HACD2: variants seen among roughly 807,000 people sequenced by gnomAD.
HACD2 encodes the protein very-long-chain (3R)-3-hydroxyacyl-CoA dehydratase 2.
A neutral mutation model predicts 31.0 loss-of-function variants in HACD2; 15 were observed. The ratio of observed to expected loss-of-function variants is 0.48; its 90% CI spans 0.32 to 0.75. HACD2 has a LOEUF of 0.75. Ranked by LOEUF, HACD2 falls within the 30% of genes least tolerant of loss-of-function variation. HACD2 has a pLI of 0.03. For missense variants in HACD2, 283 were observed against 313.0 expected, an observed-to-expected ratio of 0.90 and a Z score of 0.72; for synonymous variants, 115 against 122.2, an observed-to-expected ratio of 0.94 and a Z score of 0.39.
intron 3 of HACD2, among the ~76,000 whole-genome samples, chr3:123,564,259 G>T (rs1386837034): frequency 1.3e-5 from 2 of 152,234 alleles, no homozygotes; most frequent in Non-Finnish European, 2.9e-5. Flanking sequence ...TGGGATGCAG[G>T]TGTGGCTTGG....
intron 1 of HACD2, 32 bp downstream of exon 1, chr3:123,584,841 T>C: frequency 6.9e-7 from 1 of 1,455,438 alleles, no homozygotes; most frequent in African/African-American, 1.5e-5. Flanking sequence ...CCGGCCGCGC[T>C]GGCTCCCCGC....
chr3:123,521,364 C>A (rs1375687933), intron 4 of HACD2, among the ~76,000 whole-genome samples: 1 of 152,090 alleles, frequency 6.6e-6, no homozygotes, highest in African/African-American at 2.4e-5. Flanking sequence ...TCTGCCAGGA[C>A]AGTCTGGAAT....
At chr3:123,570,044 T>C (rs2056837445) in intron 2 of HACD2, among the ~76,000 whole-genome samples, 1 of 131,898 alleles carries the variant, frequency 7.6e-6, no homozygotes, top group Non-Finnish European at 1.6e-5. Context: ...TCCAGGCTGC[T>C]GATTAGCAAC....
At chr3:123,548,178 T>A (rs374111313) in intron 3 of HACD2, among the ~76,000 whole-genome samples, 2 of 152,146 alleles carry the variant, frequency 1.3e-5, no homozygotes. Flanking sequence ...GTGGGCTTAG[T>A]AACTTGCTTC....
intron 2 of HACD2, among the ~76,000 whole-genome samples, chr3:123,572,772 G>C (rs2697519): frequency 0.31 from 46,814 of 152,042 alleles, 9,471 homozygotes; most frequent in East Asian, 0.6. Flanking sequence ...AAAAGTTTAA[G>C]AAGTCTCAAA....
intron 5 of HACD2, among the ~76,000 whole-genome samples, chr3:123,501,356 T>C (rs1319280565): frequency 2.0e-5 from 3 of 152,236 alleles, no homozygotes; most frequent in Non-Finnish European, 2.9e-5. Flanking sequence ...GAGTTCTCCA[T>C]ATTCCACAAA....
chr3:123,567,107 A>C (rs2056800495), intron 3 of HACD2, among the ~76,000 whole-genome samples: 2 of 152,300 alleles, frequency 1.3e-5, no homozygotes, highest in South Asian at 4.1e-4. Flanking sequence ...GTGCACAGCA[A>C]TCACTACGGT....
chr3:123,543,168 C>T (rs1343143467), intron 3 of HACD2, among the ~76,000 whole-genome samples: 3 of 152,160 alleles, frequency 2.0e-5, no homozygotes, highest in Non-Finnish European at 2.9e-5. Context: ...CTGGATTTCC[C>T]CCCCTCAAAA....
intron 3 of HACD2, among the ~76,000 whole-genome samples, chr3:123,556,304 G>T (rs1028304757): frequency 1.3e-5 from 2 of 151,798 alleles, no homozygotes; most frequent in African/African-American, 4.8e-5. Context: ...AAGTGTGGTG[G>T]TGCACGCCTG....
intron 4 of HACD2, among the ~76,000 whole-genome samples, chr3:123,516,740 A>G (rs910707857): frequency 2.6e-5 from 4 of 152,242 alleles, no homozygotes; most frequent in Non-Finnish European, 5.9e-5. Context: ...CAAGCGATAC[A>G]TGATCGATTC....
rs1250415035 is a variant in HACD2, at chr3:123,492,930, T to C, written c.*1958A>G. On this transcript the variant is annotated 3_prime_UTR_variant, in exon 7 of 7. Coordinates refer to ENST00000383657, the MANE Select transcript of HACD2 (RefSeq NM_198402.5). The stretch of plus-strand genomic sequence containing the variant: ...GTCTATCAAATACAAGAATAGATTC[T>C]AATTTCAACATGTCCAAGTTGAGTG... 2.0e-5 allele frequency: 3 copies of C among 152,270 alleles called. No homozygotes were observed. Among genetic ancestry groups the C allele is most frequent in the Admixed American group, 6.5e-5 (1 of 15,282 alleles). The allele number at this position is 152,270 out of a possible 1,614,324, so 9.4% of individuals were successfully genotyped here.
intron 4 of HACD2, among the ~76,000 whole-genome samples, chr3:123,504,913 T>C (rs561095711): frequency 6.6e-6 from 1 of 152,230 alleles, no homozygotes; most frequent in East Asian, 1.9e-4. Flanking sequence ...ACCAGCATGA[T>C]CAATGAGACT....
rs748902443 is a variant in HACD2, at chr3:123,494,913, G to T, written c.740C>A (p.Thr247Asn). 2.6e-6 allele frequency: 4 copies of T among 1,559,432 alleles called. No homozygotes were observed. In the South Asian group the frequency reaches 4.7e-5, roughly 18 times the overall value. ...CTATTCAAATTTCTTGTGTTCTTCA[G>T]TATGAGAAAGGATCTTTCTTCTCTG... is the stretch of plus-strand genomic sequence containing the variant. ...IHQRRKILSH[T>N]EEHKKFE The change falls in exon 7 of 7, where the codon ACT (threonine) becomes AAT (asparagine). Residue 247 changes from threonine (T) to asparagine (N), a missense_variant. Transcript: ENST00000383657.
chr3:123,542,006 G>A (rs1297548997), intron 3 of HACD2, among the ~76,000 whole-genome samples: 2 of 151,314 alleles, frequency 1.3e-5, no homozygotes, highest in African/African-American at 2.4e-5. Flanking sequence ...AATTAGCCAG[G>A]TGTAGTGGCG....
intron 3 of HACD2, among the ~76,000 whole-genome samples, chr3:123,554,798 G>A (rs566064078): frequency 6.6e-6 from 1 of 152,030 alleles, no homozygotes; most frequent in African/African-American, 2.4e-5. Context: ...AGAAAGTAGA[G>A]GGTCATGATT....
At chr3:123,504,730 T>C (rs774237244) in intron 4 of HACD2, among the ~76,000 whole-genome samples, 3 of 152,142 alleles carry the variant, frequency 2.0e-5, no homozygotes, top group Non-Finnish European at 2.9e-5. Flanking sequence ...ATAAGTCTTT[T>C]AAAAAAGACT....
intron 3 of HACD2, among the ~76,000 whole-genome samples, chr3:123,542,808 C>G (rs762426626): frequency 1.1e-4 from 16 of 152,212 alleles, no homozygotes; most frequent in Non-Finnish European, 2.2e-4. Flanking sequence ...TATTAAAGAT[C>G]ACTGGGGTCC....
At chr3:123,581,753 C>T (rs746267572) in intron 2 of HACD2, among the ~76,000 whole-genome samples, 3 of 152,340 alleles carry the variant, frequency 2.0e-5, no homozygotes, top group Non-Finnish European at 4.4e-5. Context: ...GCTGGATATA[C>T]ATTGCCCTTA....
At chr3:123,532,870 CA>C (rs1290672659) in intron 3 of HACD2, among the ~76,000 whole-genome samples, 2 of 138,050 alleles carry the variant, frequency 1.4e-5, no homozygotes, top group Non-Finnish European at 3.1e-5. Context: ...GACTGTCAAA[CA>C]GTATTAATAT....
Sources: allele counts gnomAD v4.1 joint callset (sites outside exome capture counted in the v4.1 genomes callset), GRCh38; gene constraint gnomAD v4.1.1; transcripts MANE v1.5; gene names NCBI Gene and HGNC (gene_info 2026-07-23, HGNC 2026-07-21).